COL4A2: variants seen among roughly 807,000 people sequenced by gnomAD.
The protein encoded by COL4A2 is collagen type IV alpha 2 chain.
A neutral mutation model predicts 200.2 loss-of-function variants in COL4A2; 99 were observed. The observed-to-expected ratio is 0.49, with a 90% CI of 0.42 to 0.58. COL4A2 has a LOEUF of 0.58. Among genes scored for constraint, COL4A2 ranks in the 20% least tolerant of loss-of-function variants. The pLI, the probability that COL4A2 is intolerant of heterozygous loss-of-function variation, is 0.00. For missense variants in COL4A2, 1,950 were observed against 2,314.1 expected (o/e 0.84, Z 3.23); for synonymous variants, 897 against 900.6 (o/e 1.00, Z 0.07).
chr13:110,500,040 C>T (rs868333651), intron 40 of COL4A2, among the ~76,000 whole-genome samples: 14 of 152,198 alleles, frequency 9.2e-5, no homozygotes, highest in African/African-American at 3.4e-4. Flanking sequence ...GTGAGACAAG[C>T]CTCACCTCTC....
chr13:110,361,300 A>AT lies in COL4A2; in HGVS notation c.180+3755dup, dbSNP rs1002193988. 3.1e-4 allele frequency among the ~76,000 whole-genome samples: 47 copies of AT among 152,308 alleles called. No individual in the cohort carries two copies. In the Middle Eastern group the frequency reaches 0.01, roughly 33 times the overall value. Reference sequence around the variant, plus strand: ...TCTGCCCTACTTTTGGACTGATAGTATTTTTTTAAAGTAAGATAATACATA... The same window carrying AT: ...TCTGCCCTACTTTTGGACTGATAGTATTTTTTTTAAAGTAAGATAATACATA... On this transcript the variant is annotated intron_variant, in intron 4 of 47. Transcript: ENST00000360467.
At chr13:110,506,344 C>G (rs905711888) in intron 45 of COL4A2, 71 bp from the exon 46 acceptor site, 5 of 1,470,622 alleles carry the variant, frequency 3.4e-6, no homozygotes, top group Non-Finnish European at 4.6e-6. Flanking sequence ...TGCACCAGGC[C>G]GTCCACTCTC....
At chr13:110,489,623 G>T in intron 35 of COL4A2, 88 bp from the exon 36 acceptor site, 1 of 1,593,496 alleles carries the variant, frequency 6.3e-7, no homozygotes, top group Non-Finnish European at 8.6e-7. Flanking sequence ...AATTATTCTT[G>T]TTAGGAATAT....
chr13:110,428,984 T>G lies in COL4A2; in HGVS notation c.477+401T>G, dbSNP rs185593251. 3 of 163,468 alleles carry G rather than the reference T, an allele frequency of 1.8e-5. No homozygotes were observed. The East Asian group carries it at 5.2e-4, about 28-fold the overall frequency. 10.1% of individuals were successfully genotyped at this position (163,468 alleles called of 1,614,324 possible). On this transcript the variant is annotated intron_variant, in intron 7 of 47. Coordinates refer to ENST00000360467, the MANE Select transcript of COL4A2 (RefSeq NM_001846.4). ...CTCCAGCAGATACGATGCAGGAGTT[T>G]GTTTTTTAATGGAGGAACTTTTATA...
At chr13:110,504,111 C>A in intron 44 of COL4A2, 37 bp from the exon 45 acceptor site, 1 of 1,603,618 alleles carries the variant, frequency 6.2e-7, no homozygotes, top group South Asian at 1.1e-5. Flanking sequence ...CAGGCGTGGT[C>A]AGTTTCCAGC....
intron 3 of COL4A2, among the ~76,000 whole-genome samples, chr13:110,330,397 G>C (rs978451938): frequency 6.6e-6 from 1 of 152,130 alleles, no homozygotes; most frequent in Non-Finnish European, 1.5e-5. Context: ...TGGGAGGCGC[G>C]GGGTGGAGGC....
chr13:110,327,309 G>A (rs1885444743), intron 3 of COL4A2, among the ~76,000 whole-genome samples: 1 of 152,270 alleles, frequency 6.6e-6, no homozygotes, highest in East Asian at 1.9e-4. Context: ...CTTCCCGGGG[G>A]GTCCTCACCA....
intron 39 of COL4A2, among the ~76,000 whole-genome samples, chr13:110,493,662 C>A (rs4391919): frequency 0.67 from 101,550 of 151,992 alleles, 34,195 homozygotes; most frequent in East Asian, 0.76. Context: ...TTTTGTTGGC[C>A]TAAGGAAGCC....
chr13:110,408,510 C>T (rs890158683), intron 4 of COL4A2, among the ~76,000 whole-genome samples: 1 of 152,248 alleles, frequency 6.6e-6, no homozygotes, highest in African/African-American at 2.4e-5. Context: ...CCTTCTCCCG[C>T]TCCTGTCTGA....
chr13:110,317,355 C>T (rs1046886535), intron 3 of COL4A2, among the ~76,000 whole-genome samples: 11 of 148,426 alleles, frequency 7.4e-5, no homozygotes, highest in Non-Finnish European at 1.5e-4. Flanking sequence ...CACACAGAAA[C>T]ACATGTACAC....
chr13:110,432,782 G>A (rs780137350), intron 11 of COL4A2, among the ~76,000 whole-genome samples: 1 of 152,224 alleles, frequency 6.6e-6, no homozygotes, highest in Non-Finnish European at 1.5e-5. Context: ...GGTTCTACAG[G>A]AGTCTAATGT....
At chr13:110,367,034 C>G (rs1594172629) in intron 4 of COL4A2, among the ~76,000 whole-genome samples, 1 of 152,204 alleles carries the variant, frequency 6.6e-6, no homozygotes, top group Non-Finnish European at 1.5e-5. Flanking sequence ...CAAAACACCC[C>G]TGTCCCTTTC....
chr13:110,319,112 G>A (rs1297727169), intron 3 of COL4A2, among the ~76,000 whole-genome samples: 1 of 152,006 alleles, frequency 6.6e-6, no homozygotes, highest in East Asian at 1.9e-4. Context: ...ACTGGTGGGT[G>A]CGGGGGCCTG....
chr13:110,357,588 C>T (rs763568950), intron 4 of COL4A2, 36 bp downstream of exon 4: 2 of 1,554,204 alleles, frequency 1.3e-6, no homozygotes, highest in South Asian at 1.2e-5. Flanking sequence ...ATATTATCTT[C>T]CTCATACAGT....
At chr13:110,425,780 C>T (rs1880449547) in intron 6 of COL4A2, among the ~76,000 whole-genome samples, 2 of 152,188 alleles carry the variant, frequency 1.3e-5, no homozygotes, top group African/African-American at 4.8e-5. Context: ...AGAGAGACTC[C>T]ATTCCCAGGC....
Position 110,485,837 on chromosome 13 carries a change from G to T in COL4A2, c.3207+1G>T, listed in dbSNP as rs1314591121. 4 of 1,613,226 alleles carry T rather than the reference G, an allele frequency of 2.5e-6. No individual in the cohort carries two copies. The highest frequency in any genetic ancestry group is 3.4e-6 in the Non-Finnish European group (4 of 1,179,768). On this transcript the variant is annotated splice_donor_variant, in intron 34 of 47. Transcript: ENST00000360467. LOFTEE classifies it high-confidence loss of function. ...ATTCCCAGGATTCATAGGAAGCCGG[G>T]TGAGTGGGCGTCTTTTACTCCCCTT... is the stretch of plus-strand genomic sequence containing the variant.
intron 3 of COL4A2, among the ~76,000 whole-genome samples, chr13:110,338,659 G>C (rs527263284): frequency 1.3e-5 from 2 of 152,262 alleles, no homozygotes; most frequent in Admixed American, 1.3e-4. Flanking sequence ...AGGCAATCCA[G>C]CCATCTCTGC....
chr13:110,382,799 C>T lies in COL4A2; in HGVS notation c.180+25247C>T, dbSNP rs145754181. On this transcript the variant is annotated intron_variant, in intron 4 of 47. Transcript: ENST00000360467. ...TTCCCAAACCACATTTTAAGAAAGT[C>T]AAAAATAGTTGCATCACATTTTTCC... Among the ~76,000 whole-genome samples, 1,278 of 152,190 alleles carry T rather than the reference C, an allele frequency of 8.4e-3. 17 individuals are homozygous for T. The highest frequency in any genetic ancestry group is 0.029 in the African/African-American group (1,186 of 41,534).
chr13:110,503,494 C>G lies in COL4A2; in HGVS notation c.4138+13C>G, dbSNP rs577133380. 2.1e-5 allele frequency: 31 copies of G among 1,485,652 alleles called. No individual in the cohort carries two copies. In the East Asian group the frequency reaches 7.3e-4, roughly 35 times the overall value. The allele number at this position is 1,485,652 out of a possible 1,614,324, so 92.0% of individuals were successfully genotyped here. ...CCAGGATTCCCTGGTAAGTGACCGT[C>G]TGGTATCTTCAGAGCTAGTGGCTCA... On this transcript the variant is annotated intron_variant, in intron 43 of 47. Transcript: ENST00000360467.
Sources: allele counts gnomAD v4.1 joint callset (sites outside exome capture counted in the v4.1 genomes callset), GRCh38; gene constraint gnomAD v4.1.1; transcripts MANE v1.5; gene names NCBI Gene and HGNC (gene_info 2026-07-23, HGNC 2026-07-21).